The following TMEM175 variants were observed in gnomAD, a reference collection of about 807,000 sequenced individuals.
TMEM175 encodes transmembrane protein 175, also known as endosomal/lysosomal proton channel TMEM175.
Under a neutral mutation model 36.5 loss-of-function variants are expected in TMEM175, and 36 were observed. The observed-to-expected ratio is 0.99, with a 90% CI of 0.76 to 1.30. TMEM175 has a LOEUF of 1.30. TMEM175 is among the 50% of genes most tolerant of loss of function. TMEM175 has a pLI of 0.00. For missense variants in TMEM175, 705 were observed against 692.8 expected, an observed-to-expected ratio of 1.02 and a Z score of -0.20; for synonymous variants, 339 against 313.4, an observed-to-expected ratio of 1.08 and a Z score of -0.86.
In TMEM175 at chr4:932,511, G is replaced by A. The variant is rs1726093911; in HGVS notation, c.-61G>A. 3 of 462,086 alleles carry A rather than the reference G, an allele frequency of 6.5e-6. No homozygotes were observed. Among genetic ancestry groups the A allele is most frequent in the East Asian group, 7.2e-5 (2 of 27,964 alleles). The allele number at this position is 462,086 out of a possible 1,614,324, so 28.6% of individuals were successfully genotyped here. A position where few individuals can be genotyped will look rare whatever the true frequency, so the allele number is the denominator to read the frequency against. On this transcript the variant is annotated 5_prime_UTR_variant, in exon 1 of 11. Transcript: ENST00000264771. This position sits in a 1 kb window ranked among gnomAD's most constrained non-coding sequence, Gnocchi z 4.0. The stretch of plus-strand genomic sequence containing the variant: ...CGGGCTGACTCAAGCGGAGGCGCGC[G>A]GAACAGTCGCCGAGGCGATTCCCGC...
chr4:950,542 G>A lies in TMEM175; in HGVS notation c.290+24G>A, dbSNP rs199865126. On this transcript the variant is annotated intron_variant, in intron 4 of 10. Transcript: ENST00000264771. Reference sequence around the variant, plus strand: ...AGGTGGGGGCCCGGGCGCTTCCAGCGGTCCATAGCTGCTCTCAAGGTTCCC... The same window carrying A: ...AGGTGGGGGCCCGGGCGCTTCCAGCAGTCCATAGCTGCTCTCAAGGTTCCC... 48 of 1,566,850 alleles carry A rather than the reference G, an allele frequency of 3.1e-5. No homozygotes were observed. The African/African-American group carries it at 3.8e-4, about 12-fold the overall frequency.
rs533331382 is a variant in TMEM175, at chr4:951,999, T to G, written c.378+282T>G. On this transcript the variant is annotated intron_variant, in intron 6 of 10. Coordinates refer to ENST00000264771, the MANE Select transcript of TMEM175 (RefSeq NM_032326.4). Reference sequence around the variant, plus strand: ...GCCCATCCCAGGCCTGTCCCTGGCGTGCAGCCCCTACAGCCTCCGACCACC... The same window carrying G: ...GCCCATCCCAGGCCTGTCCCTGGCGGGCAGCCCCTACAGCCTCCGACCACC... The G allele has an allele frequency of 3.8e-4, 224 of 583,826 alleles. No individual in the cohort carries two copies. The African/African-American group carries it at 3.9e-3, about 10-fold the overall frequency. 36.2% of individuals were successfully genotyped at this position (583,826 alleles called of 1,614,324 possible). A position where few individuals can be genotyped will look rare whatever the true frequency, so the allele number is the denominator to read the frequency against.
chr4:948,363 C>T (rs1340171906), intron 3 of TMEM175: 1 of 1,533,518 alleles, frequency 6.5e-7, no homozygotes, highest in East Asian at 2.5e-5. Flanking sequence ...TCCTGGCCTC[C>T]TGGGAGGGTG....
Position 950,474 on chromosome 4 carries a change from G to A in TMEM175, c.246G>A (p.Leu82=). The A allele has an allele frequency of 6.2e-7, 1 of 1,614,116 alleles. No homozygotes were observed. The highest frequency in any genetic ancestry group is 8.5e-7 in the Non-Finnish European group (1 of 1,179,998). The change falls in exon 4 of 11, where the codon CTG becomes CTA. Residue 82 remains leucine, a synonymous_variant. Coordinates refer to ENST00000264771, the MANE Select transcript of TMEM175 (RefSeq NM_032326.4). ...RLLATRIAVY[L]MTFLIVTVAW... is the part of the protein sequence containing the mutation. ...TGGCAACACGGATTGCCGTCTACCT[G>A]ATGACCTTTCTCATCGTGACAGTGG...
intron 4 of TMEM175, 144 bp from the exon 5 acceptor site, chr4:951,063 C>T: frequency 1.2e-6 from 1 of 823,448 alleles, no homozygotes; most frequent in Non-Finnish European, 2.0e-6. Flanking sequence ...TTTCCAAACT[C>T]CGTGCACTAG....
chr4:956,071 G>A, intron 10 of TMEM175, 181 bp downstream of exon 10: 1 of 837,934 alleles, frequency 1.2e-6, no homozygotes, highest in Non-Finnish European at 1.8e-6. Context: ...CTTCCCGGCG[G>A]CCCCTCCCTT....
Position 958,093 on chromosome 4 carries a change from A to G in TMEM175, c.1112A>G (p.Asp371Gly), listed in dbSNP as rs1729981169. Residue 371 changes from aspartate to glycine, a missense_variant, in exon 11 of 11, where the codon GAT becomes GGT. By Grantham distance (94) the Asp-to-Gly change is moderately conservative. Transcript: ENST00000264771. The stretch of plus-strand genomic sequence containing the variant: ...TCGGCCTTCGCCCGGCAGCCCCGCG[A>G]TGAGCTGGAGCGCGTGCGTGTCAGC... The part of the protein sequence containing the change: ...QTSAFARQPR[D>G]ELERVRVSCT... 1.2e-6 allele frequency: 2 copies of G among 1,606,766 alleles called. No individual in the cohort carries two copies. The highest frequency in any genetic ancestry group is 1.3e-5 in the African/African-American group (1 of 74,918).
At chr4:937,183 AT>A (rs1212575747) in intron 1 of TMEM175, among the ~76,000 whole-genome samples, 3 of 152,118 alleles carry the variant, frequency 2.0e-5, no homozygotes, top group African/African-American at 7.2e-5. Flanking sequence ...AAAAATGTAA[AT>A]TTTTTAAGAA....
At chr4:948,588 C>T (rs2153001002) in intron 3 of TMEM175, 5 of 1,308,542 alleles carry the variant, frequency 3.8e-6, no homozygotes, top group Non-Finnish European at 5.0e-6. Context: ...GGGACACTCC[C>T]ACCCCGGCTG....
intron 1 of TMEM175, among the ~76,000 whole-genome samples, chr4:943,650 C>T (rs1468868924): frequency 6.6e-6 from 1 of 152,166 alleles, no homozygotes; most frequent in South Asian, 2.1e-4. Context: ...GCAGCTGCCT[C>T]GGCAAATTGT....
chr4:939,624 G>A (rs1279322683), intron 1 of TMEM175, among the ~76,000 whole-genome samples: 3 of 152,160 alleles, frequency 2.0e-5, no homozygotes, highest in East Asian at 3.8e-4. Flanking sequence ...GCCGAGGCAG[G>A]AGAATTGCTT....
intron 1 of TMEM175, among the ~76,000 whole-genome samples, chr4:943,974 G>A (rs1198020359): frequency 1.3e-5 from 2 of 152,100 alleles, no homozygotes; most frequent in South Asian, 2.1e-4. Flanking sequence ...TGGAGGGTGC[G>A]ATTCCGTTTA....
rs1319276093 is a variant in TMEM175 at position 955,950 on chromosome 4, G to T, written c.842+60G>T. 46 of 1,583,562 alleles carry T rather than the reference G, an allele frequency of 2.9e-5. 1 individual carries two copies. The South Asian group carries it at 5.2e-4, about 18-fold the overall frequency. On this transcript the variant is annotated intron_variant, in intron 10 of 10. Coordinates refer to ENST00000264771, the MANE Select transcript of TMEM175 (RefSeq NM_032326.4). Reference sequence around the variant, plus strand: ...GTGGCCAATGTGTCTTGAGTCCCTGGCGTCTCATCCTGGAAACCCCAGAAA... The same window carrying T: ...GTGGCCAATGTGTCTTGAGTCCCTGTCGTCTCATCCTGGAAACCCCAGAAA...
rs556349598 is a variant in TMEM175, at chr4:954,621, A to G, written c.628-784A>G. 5.8e-4 allele frequency among the ~76,000 whole-genome samples: 89 copies of G among 152,256 alleles called. 1 individual carries two copies. The South Asian group carries it at 0.018, about 31-fold the overall frequency. ...AGCATTGCTGGACACGTGTCTCTTC[A>G]GATCTGTCTTCTCAGGCTGTTGGTG... is the stretch of plus-strand genomic sequence containing the variant. On this transcript the variant is annotated intron_variant, in intron 8 of 10. Transcript: ENST00000264771.
chr4:934,353 A>G (rs1283796641), intron 1 of TMEM175, among the ~76,000 whole-genome samples: 3 of 152,246 alleles, frequency 2.0e-5, no homozygotes, highest in East Asian at 1.9e-4. Context: ...GAGTGTCGTA[A>G]CAGAGCCAAG....
At chr4:944,953 A>AT (rs1257403590) in intron 1 of TMEM175, among the ~76,000 whole-genome samples, 1 of 152,112 alleles carries the variant, frequency 6.6e-6, no homozygotes, top group Non-Finnish European at 1.5e-5. Flanking sequence ...AATACAAAAA[A>AT]TTAGCCAGGC....
intron 3 of TMEM175, among the ~76,000 whole-genome samples, chr4:948,795 T>G (rs574453281): frequency 2.4e-4 from 36 of 152,334 alleles, no homozygotes; most frequent in African/African-American, 8.7e-4. Context: ...GGCACAGCAG[T>G]GACCACGTAG....
At chr4:951,330 G>A (rs889903103) in intron 5 of TMEM175, 72 bp downstream of exon 5, 1 of 1,557,664 alleles carries the variant, frequency 6.4e-7, no homozygotes, top group Admixed American at 1.7e-5. Context: ...AGAGGGGAAG[G>A]GAGCAGCCGG....
chr4:937,140 A>AAT lies in TMEM175; in HGVS notation c.-32+4606_-32+4607dup, dbSNP rs545302345. 2.0e-3 allele frequency among the ~76,000 whole-genome samples: 306 copies of AAT among 152,306 alleles called. 13 individuals carry two copies. In the South Asian group the frequency reaches 0.059, roughly 30 times the overall value. ...CTTGTATCAGAACATGTACCCCATGAATATATACACCTACTATATACCTAT... is the reference window on the plus strand; with the variant it reads ...CTTGTATCAGAACATGTACCCCATGAATATATATACACCTACTATATACCTAT... On this transcript the variant is annotated intron_variant, in intron 1 of 10. Coordinates refer to ENST00000264771, the MANE Select transcript of TMEM175 (RefSeq NM_032326.4).
Sources: gnomAD v4.1 joint callset for allele counts (sites outside exome capture counted in the v4.1 genomes callset) on GRCh38, gnomAD v4.1.1 for gene constraint, Gnocchi (gnomAD v3.1) non-coding constraint, MANE v1.5 for transcripts, NCBI Gene and HGNC (gene_info 2026-07-23, HGNC 2026-07-21) for gene names.